Variants in PUS1 observed in about 807,000 individuals in gnomAD.
PUS1 encodes the protein pseudouridine synthase 1.
Under a neutral mutation model 38.5 loss-of-function variants are expected in PUS1, and 25 were observed. That is an observed-to-expected ratio of 0.65 (90% CI 0.47 to 0.91). PUS1 has a LOEUF of 0.91. PUS1 is among the 40% of genes least tolerant of loss of function. The probability of loss-of-function intolerance (pLI) is 0.00; values close to 1 mark genes in which losing one functional copy is unlikely to be tolerated. For synonymous variants in PUS1, 282 were observed against 260.4 expected, an observed-to-expected ratio of 1.08 and a Z score of -0.80; for missense variants, 597 against 612.3, an observed-to-expected ratio of 0.97 and a Z score of 0.26.
rs759184818 is a variant in PUS1, at chr12:131,930,028, G to A, written c.196G>A (p.Ala66Thr). 5.4e-6 allele frequency: 8 copies of A among 1,472,200 alleles called. No individual in the cohort carries two copies. In the African/African-American group the frequency reaches 7.4e-5, roughly 14 times the overall value. 91.2% of individuals were successfully genotyped at this position (1,472,200 alleles called of 1,614,324 possible). ...CGTCTGGGAGGACGGAGAACATCCG[G>A]CGAAGAAGCTCAAGAGCGGTGGCGA... is the stretch of plus-strand genomic sequence containing the variant. Reference protein sequence around the residue: ...DRVWEDGEHPAKKLKSGGDEE... With the variant: ...DRVWEDGEHPTKKLKSGGDEE... The change falls in exon 2 of 6, where the codon GCG becomes ACG. Residue 66 changes from alanine to threonine, a missense_variant. Coordinates refer to ENST00000376649, the MANE Select transcript of PUS1 (RefSeq NM_025215.6).
Position 131,941,564 on chromosome 12 carries a change from G to A in PUS1, c.817G>A (p.Val273Met). 1.2e-6 allele frequency: 2 copies of A among 1,614,214 alleles called. No individual in the cohort carries two copies. Among genetic ancestry groups the A allele is most frequent in the Non-Finnish European group, 8.5e-7 (1 of 1,180,040 alleles). ...GGAGATGTACTGCGAGGAACCCTTTGTGCGGGAGGGCCTGGAGTTTGCGGT... is the reference window on the plus strand; with the variant it reads ...GGAGATGTACTGCGAGGAACCCTTTATGCGGGAGGGCCTGGAGTTTGCGGT... ...ILEMYCEEPF[V>M]REGLEFAVIR... Residue 273 changes from valine to methionine, a missense_variant, in exon 5 of 6, where the codon GTG (valine) becomes ATG (methionine). Physicochemically the swap from Val to Met is conservative, Grantham distance 21. Transcript: ENST00000376649. The surrounding 1 kb of genome is among the most constrained non-coding windows in gnomAD (Gnocchi z 4.4).
intron 3 of PUS1, among the ~76,000 whole-genome samples, chr12:131,933,350 C>T (rs1352914144): frequency 2.0e-5 from 3 of 152,076 alleles, no homozygotes; most frequent in Non-Finnish European, 4.4e-5. Context: ...ATAAATAATT[C>T]ACTGTATTAT....
At chr12:131,938,950 C>T (rs75771181) in intron 3 of PUS1, among the ~76,000 whole-genome samples, 1 of 152,136 alleles carries the variant, frequency 6.6e-6, no homozygotes, top group Non-Finnish European at 1.5e-5. Flanking sequence ...TTCATGTTAG[C>T]CAGGATAGTC....
At chr12:131,940,841 G>A (rs1460021961) in intron 4 of PUS1, 1 of 170,904 alleles carries the variant, frequency 5.9e-6, no homozygotes, top group Non-Finnish European at 1.3e-5. Context: ...CCAAAGTGCT[G>A]GGATTACAGG....
chr12:131,938,519 C>T (rs763282722), intron 3 of PUS1, among the ~76,000 whole-genome samples: 11 of 152,070 alleles, frequency 7.2e-5, no homozygotes, highest in Admixed American at 1.3e-4. Flanking sequence ...GTAAAGTGTG[C>T]GAGTCTTAAG....
chr12:131,943,610 G>A lies in PUS1; in HGVS notation c.*24G>A, dbSNP rs774579918. 1 of 1,605,722 alleles carries A rather than the reference G, an allele frequency of 6.2e-7. No individual in the cohort carries two copies. The highest frequency in any genetic ancestry group is 1.1e-5 in the South Asian group (1 of 90,912). ...GAGGCGATGGGAGCTGCCCACCAGA[G>A]TGCCTCTGAGCAGCTCACAGTGTGT... is the stretch of plus-strand genomic sequence containing the variant. On this transcript the variant is annotated 3_prime_UTR_variant, in exon 6 of 6. Transcript: ENST00000376649.
At position 131,930,126 on chromosome 12, in the gene PUS1, C is replaced by T. The variant is rs1267210934; in HGVS notation, c.294C>T (p.His98=). The T allele has an allele frequency of 7.0e-7, 1 of 1,426,866 alleles. No homozygotes were observed. 88.4% of individuals were successfully genotyped at this position (1,426,866 alleles called of 1,614,324 possible). ...LLMAYSGKGY[H]GMQRNVGSSQ... is the part of the protein sequence containing the mutation. ...TGGCCTATTCGGGCAAGGGCTACCA[C>T]GGCATGCAGGTGTGGCCGCCCGGGA... is the stretch of plus-strand genomic sequence containing the variant. Residue 98 remains histidine, a synonymous_variant, in exon 2 of 6, where the codon CAC becomes CAT. Transcript: ENST00000376649.
At position 131,929,762 on chromosome 12, in the gene PUS1, C is replaced by T; in HGVS notation, c.40C>T (p.Arg14Trp). 1 of 1,592,344 alleles carries T rather than the reference C, an allele frequency of 6.3e-7. No homozygotes were observed. The highest frequency in any genetic ancestry group is 8.5e-7 in the Non-Finnish European group (1 of 1,176,816). The change falls in exon 1 of 6, where the codon CGG becomes TGG. Residue 14 changes from arginine (R) to tryptophan (W), a missense_variant. Coordinates refer to ENST00000376649, the MANE Select transcript of PUS1 (RefSeq NM_025215.6). ...TCGCGCGCTGTTGGGAGCCTTCGGA[C>T]GGTGGACCCTGCGCCTGGGACCGCG... ...QLRALLGAFG[R>W]WTLRLGPRPS...
rs1196348647 is a variant in PUS1 at position 131,930,123 on chromosome 12, C to T, written c.291C>T (p.Tyr97=). 4 of 1,426,314 alleles carry T rather than the reference C, an allele frequency of 2.8e-6. No homozygotes were observed. Among genetic ancestry groups the T allele is most frequent in the Non-Finnish European group, 3.7e-6 (4 of 1,090,498 alleles). The allele number at this position is 1,426,314 out of a possible 1,614,324, so 88.4% of individuals were successfully genotyped here. ...TCATGGCCTATTCGGGCAAGGGCTACCACGGCATGCAGGTGTGGCCGCCCG... is the reference window on the plus strand; with the variant it reads ...TCATGGCCTATTCGGGCAAGGGCTATCACGGCATGCAGGTGTGGCCGCCCG... ...VLLMAYSGKG[Y]HGMQRNVGSS... The change falls in exon 2 of 6, where the codon TAC becomes TAT. Residue 97 remains tyrosine (Y), a synonymous_variant. Coordinates refer to ENST00000376649, the MANE Select transcript of PUS1 (RefSeq NM_025215.6).
intron 3 of PUS1, among the ~76,000 whole-genome samples, chr12:131,936,868 A>C (rs1890857583): frequency 1.1e-5 from 1 of 89,498 alleles, no homozygotes; most frequent in African/African-American, 1.2e-4. Context: ...CAGCCTGGCA[A>C]AAAAAAAAAA....
At position 131,939,334 on chromosome 12, in the gene PUS1, G is replaced by A. The variant is rs768412798; in HGVS notation, c.544+59G>A. ...GTTGTAGATGGTCTTGCAGAGACAC[G>A]AGGCTATGCATGCTCCTGCCTTTTC... On this transcript the variant is annotated intron_variant, in intron 4 of 5. Coordinates refer to ENST00000376649, the MANE Select transcript of PUS1 (RefSeq NM_025215.6). 28 of 1,092,064 alleles carry A rather than the reference G, an allele frequency of 2.6e-5. No homozygotes were observed. The East Asian group carries it at 4.4e-4, about 17-fold the overall frequency. 67.6% of individuals were successfully genotyped at this position (1,092,064 alleles called of 1,614,324 possible).
intron 3 of PUS1, among the ~76,000 whole-genome samples, chr12:131,938,274 T>C (rs1198922866): frequency 6.6e-6 from 1 of 152,004 alleles, no homozygotes; most frequent in Non-Finnish European, 1.5e-5. Context: ...CAAGACCCTG[T>C]CTCTACAAAA....
chr12:131,934,055 C>T (rs1307990931), intron 3 of PUS1, among the ~76,000 whole-genome samples: 1 of 152,228 alleles, frequency 6.6e-6, no homozygotes, highest in African/African-American at 2.4e-5. Context: ...GGACAGCATA[C>T]GTCAGCATTT....
chr12:131,939,155 G>A lies in PUS1; in HGVS notation c.442-18G>A, dbSNP rs761405539. Reference sequence around the variant, plus strand: ...CCAAGGGACCCACCTTCCGTCACCCGTTCTGCTTTGTTTACAGGGTGTGTC... The same window carrying A: ...CCAAGGGACCCACCTTCCGTCACCCATTCTGCTTTGTTTACAGGGTGTGTC... On this transcript the variant is annotated intron_variant, in intron 3 of 5. Coordinates refer to ENST00000376649, the MANE Select transcript of PUS1 (RefSeq NM_025215.6). 9.1e-6 allele frequency: 14 copies of A among 1,534,968 alleles called. No individual in the cohort carries two copies. The highest frequency in any genetic ancestry group is 1.9e-5 in the Admixed American group (1 of 51,462).
intron 3 of PUS1, among the ~76,000 whole-genome samples, chr12:131,937,350 TTG>T (rs1235805805): frequency 1.3e-5 from 2 of 152,164 alleles, no homozygotes; most frequent in East Asian, 1.9e-4. Flanking sequence ...ATTATCATAG[TTG>T]TGTGTGGTTT....
At position 131,930,115 on chromosome 12, in the gene PUS1, A is replaced by G; in HGVS notation, c.283A>G (p.Lys95Glu). 2.1e-6 allele frequency: 3 copies of G among 1,428,244 alleles called. No individual in the cohort carries two copies. The highest frequency in any genetic ancestry group is 2.8e-6 in the Non-Finnish European group (3 of 1,090,884). The allele number at this position is 1,428,244 out of a possible 1,614,324, so 88.5% of individuals were successfully genotyped here. A position where few individuals can be genotyped will look rare whatever the true frequency, so the allele number is the denominator to read the frequency against. The change falls in exon 2 of 6, where the codon AAG becomes GAG. Residue 95 changes from lysine to glutamate, a missense_variant. Lys to Glu is a moderately conservative substitution (Grantham distance 56). Coordinates refer to ENST00000376649, the MANE Select transcript of PUS1 (RefSeq NM_025215.6). Reference sequence around the variant, plus strand: ...CGTGCTGCTCATGGCCTATTCGGGCAAGGGCTACCACGGCATGCAGGTGTG... The same window carrying G: ...CGTGCTGCTCATGGCCTATTCGGGCGAGGGCTACCACGGCATGCAGGTGTG... ...KIVLLMAYSG[K>E]GYHGMQRNVG...
In PUS1 at chr12:131,929,670, G is replaced by C; in HGVS notation, c.-53G>C. The C allele has an allele frequency of 1.4e-6, 2 of 1,469,076 alleles. No homozygotes were observed. Among genetic ancestry groups the C allele is most frequent in the Non-Finnish European group, 1.8e-6 (2 of 1,098,402 alleles). The allele number at this position is 1,469,076 out of a possible 1,614,324, so 91.0% of individuals were successfully genotyped here. Reference sequence around the variant, plus strand: ...TCGGCAGAGGCGGAGCTGGGGCACTGGGGGTCAGGGGTCGGGGATCAGGGC... The same window carrying C: ...TCGGCAGAGGCGGAGCTGGGGCACTCGGGGTCAGGGGTCGGGGATCAGGGC... On this transcript the variant is annotated 5_prime_UTR_variant, in exon 1 of 6. Transcript: ENST00000376649.
At chr12:131,932,044 C>A in intron 2 of PUS1, 131 bp from the exon 3 acceptor site, 1 of 805,566 alleles carries the variant, frequency 1.2e-6, no homozygotes, top group Non-Finnish European at 2.1e-6. Flanking sequence ...AGCGTGGCAG[C>A]TCACACTTGT....
chr12:131,929,760 G>A lies in PUS1; in HGVS notation c.38G>A (p.Gly13Glu), dbSNP rs1210731832. 1.3e-6 allele frequency: 2 copies of A among 1,593,144 alleles called. No individual in the cohort carries two copies. Among genetic ancestry groups the A allele is most frequent in the African/African-American group, 2.7e-5 (2 of 74,228 alleles). ...LQLRALLGAF[G>E]RWTLRLGPRP... is the part of the protein sequence containing the mutation. ...CTTCGCGCGCTGTTGGGAGCCTTCG[G>A]ACGGTGGACCCTGCGCCTGGGACCG... The change falls in exon 1 of 6, where the codon GGA becomes GAA. Residue 13 changes from glycine to glutamate, a missense_variant. By Grantham distance (98) the Gly-to-Glu change is moderately conservative (BLOSUM62 -2). Transcript: ENST00000376649.
Sources: gnomAD v4.1 joint callset for allele counts (sites outside exome capture counted in the v4.1 genomes callset) on GRCh38, gnomAD v4.1.1 for gene constraint, Gnocchi (gnomAD v3.1) non-coding constraint, MANE v1.5 for transcripts, NCBI Gene and HGNC (gene_info 2026-07-23, HGNC 2026-07-21) for gene names.